USP10: variants seen among roughly 807,000 people sequenced by gnomAD.
USP10 encodes ubiquitin carboxyl-terminal hydrolase 10.
In USP10, 22 loss-of-function variants were observed where a neutral mutation model predicts 84.5. That is an observed-to-expected ratio of 0.26 (90% CI 0.19 to 0.37). The LOEUF is 0.37. Ranked by LOEUF, USP10 falls within the 10% of genes least tolerant of loss-of-function variation. The pLI is 1.00. For missense variants in USP10, 1,019 were observed against 998.9 expected (o/e 1.02, Z -0.27); for synonymous variants, 454 against 387.6 (o/e 1.17, Z -2.01).
chr16:84,711,064 T>G (rs1311704020), intron 1 of USP10, among the ~76,000 whole-genome samples: 1 of 152,122 alleles, frequency 6.6e-6, no homozygotes, highest in Non-Finnish European at 1.5e-5. Context: ...GTGGAACAGT[T>G]GTGAGCAGAT....
chr16:84,758,649 T>G lies in USP10; in HGVS notation c.1193-67T>G, dbSNP rs1388587012. On this transcript the variant is annotated intron_variant, in intron 4 of 13. Transcript: ENST00000219473. ...AAATGCTGTCCCAGAGTAGAGCATG[T>G]GAAATGATTTGAATGTTCTTCACTA... is the stretch of plus-strand genomic sequence containing the variant. 11 of 1,130,188 alleles carry G rather than the reference T, an allele frequency of 9.7e-6. No homozygotes were observed. The Admixed American group carries it at 1.4e-4, about 14-fold the overall frequency. The allele number at this position is 1,130,188 out of a possible 1,614,324, so 70.0% of individuals were successfully genotyped here.
At chr16:84,732,985 CATT>C in intron 1 of USP10, 1 of 425,536 alleles carries the variant, frequency 2.3e-6, no homozygotes, top group Non-Finnish European at 4.6e-6. Context: ...TAATCAGGAT[CATT>C]AACATTTTCC....
intron 4 of USP10, among the ~76,000 whole-genome samples, chr16:84,751,372 C>A (rs1360403318): frequency 1.3e-5 from 2 of 152,150 alleles, no homozygotes; most frequent in Non-Finnish European, 2.9e-5. Context: ...GCATATATTT[C>A]CCCCCGCTCC....
chr16:84,710,425 T>G (rs1906129761), intron 1 of USP10, among the ~76,000 whole-genome samples: 1 of 152,096 alleles, frequency 6.6e-6, no homozygotes, highest in Non-Finnish European at 1.5e-5. Context: ...CTCATAACTT[T>G]GAGGGGAAAG....
rs148187112 is a variant in USP10, at chr16:84,749,592, T to C, written c.1192+3919T>C. ...CCATCTTTAAAAAAAAAAAAAATTATACACACACAAAATGCTTGGAATAAT... is the reference window on the plus strand; with the variant it reads ...CCATCTTTAAAAAAAAAAAAAATTACACACACACAAAATGCTTGGAATAAT... On this transcript the variant is annotated intron_variant, in intron 4 of 13. Transcript: ENST00000219473. Among the ~76,000 whole-genome samples the C allele has an allele frequency of 5.1e-3, 775 of 152,098 alleles. 13 individuals are homozygous for C. The highest frequency in any genetic ancestry group is 0.018 in the African/African-American group (748 of 41,496).
chr16:84,765,411 C>T (rs1020029226), intron 10 of USP10, among the ~76,000 whole-genome samples: 3 of 151,498 alleles, frequency 2.0e-5, no homozygotes, highest in African/African-American at 7.3e-5. Flanking sequence ...GTCCTTCGAC[C>T]GACATCTTCC....
intron 13 of USP10, among the ~76,000 whole-genome samples, chr16:84,776,862 G>C (rs1247156166): frequency 6.6e-6 from 1 of 152,180 alleles, no homozygotes. Flanking sequence ...GCCCAGGCTG[G>C]AGTGCAGTGG....
Position 84,711,365 on chromosome 16 carries a change from C to T in USP10, c.21+11254C>T, listed in dbSNP as rs142041596. On this transcript the variant is annotated intron_variant, in intron 1 of 13. Transcript: ENST00000219473. Reference sequence around the variant, plus strand: ...TTGTGGACAGCATGGGATCAGCACACTCCCCCACAGCTCAGTGTAACTGTG... The same window carrying T: ...TTGTGGACAGCATGGGATCAGCACATTCCCCCACAGCTCAGTGTAACTGTG... 1.9e-3 allele frequency among the ~76,000 whole-genome samples: 296 copies of T among 152,332 alleles called. 2 individuals are homozygous for T. The highest frequency in any genetic ancestry group is 6.5e-3 in the African/African-American group (270 of 41,578).
chr16:84,740,441 A>C lies in USP10; in HGVS notation c.151+72A>C, dbSNP rs1910493768. 3.2e-6 allele frequency: 4 copies of C among 1,243,002 alleles called. No homozygotes were observed. The South Asian group carries it at 5.1e-5, about 16-fold the overall frequency. The allele number at this position is 1,243,002 out of a possible 1,614,324, so 77.0% of individuals were successfully genotyped here. A position where few individuals can be genotyped will look rare whatever the true frequency, so the allele number is the denominator to read the frequency against. ...GTGCTGGGTGGGCAGGCTACCTGTA[A>C]ACATTGTTTCCCATTTGAATAAACA... On this transcript the variant is annotated intron_variant, in intron 3 of 13. Transcript: ENST00000219473.
intron 10 of USP10, among the ~76,000 whole-genome samples, chr16:84,765,503 A>T (rs1913754449): frequency 6.7e-6 from 1 of 148,452 alleles, no homozygotes; most frequent in African/African-American, 2.5e-5. Flanking sequence ...TAAAGATTCC[A>T]TGTATAAGTG....
chr16:84,702,891 G>A (rs1905067882), intron 1 of USP10, among the ~76,000 whole-genome samples: 1 of 149,226 alleles, frequency 6.7e-6, no homozygotes, highest in African/African-American at 2.5e-5. Context: ...TACTTGGGAG[G>A]CTGAGGCAGG....
At chr16:84,720,554 C>G (rs1907647030) in intron 1 of USP10, among the ~76,000 whole-genome samples, 1 of 138,442 alleles carries the variant, frequency 7.2e-6, no homozygotes, top group South Asian at 2.4e-4. Context: ...AAAACAGATG[C>G]AGAATAAAAA....
intron 1 of USP10, among the ~76,000 whole-genome samples, chr16:84,720,263 C>T (rs1056328272): frequency 2.6e-5 from 4 of 152,178 alleles, no homozygotes; most frequent in African/African-American, 4.8e-5. Flanking sequence ...GGCGGGTGGC[C>T]TCCAGTAGCT....
At chr16:84,775,254 T>G (rs1914877915) in intron 13 of USP10, 29 bp downstream of exon 13, 1 of 1,604,642 alleles carries the variant, frequency 6.2e-7, no homozygotes, top group African/African-American at 1.3e-5. Context: ...CATTACTTCT[T>G]CATTAAAACA....
At chr16:84,767,170 C>A (rs907552310) in intron 10 of USP10, among the ~76,000 whole-genome samples, 3 of 152,114 alleles carry the variant, frequency 2.0e-5, no homozygotes, top group Middle Eastern at 3.2e-3. Flanking sequence ...CGCATCTGTT[C>A]TGGAAAGCCT....
At chr16:84,751,938 G>A (rs191340330) in intron 4 of USP10, among the ~76,000 whole-genome samples, 5 of 152,222 alleles carry the variant, frequency 3.3e-5, no homozygotes, top group African/African-American at 4.8e-5. Context: ...AAAAGTTTAC[G>A]ATGCTGGTAT....
chr16:84,727,187 A>G (rs1021521758), intron 1 of USP10, among the ~76,000 whole-genome samples: 2 of 152,186 alleles, frequency 1.3e-5, no homozygotes, highest in African/African-American at 4.8e-5. Flanking sequence ...TGTGAACTGA[A>G]TTGTTCTGTA....
chr16:84,759,609 T>C, intron 6 of USP10, 137 bp downstream of exon 6: 1 of 837,418 alleles, frequency 1.2e-6, no homozygotes, highest in Admixed American at 2.5e-5. Context: ...AATAGACTGT[T>C]GGCGATTTTA....
chr16:84,715,210 G>T (rs1292845371), intron 1 of USP10, among the ~76,000 whole-genome samples: 3 of 151,986 alleles, frequency 2.0e-5, no homozygotes, highest in African/African-American at 7.3e-5. Context: ...GATTACAGGC[G>T]TGAGGCACCA....
Sources: gnomAD v4.1 joint callset for allele counts (sites outside exome capture counted in the v4.1 genomes callset) on GRCh38, gnomAD v4.1.1 for gene constraint, MANE v1.5 for transcripts, NCBI Gene and HGNC (gene_info 2026-07-23, HGNC 2026-07-21) for gene names.